The following OXCT1 variants were observed in gnomAD, a reference collection of about 807,000 sequenced individuals.
The protein encoded by OXCT1 is succinyl-CoA:3-ketoacid coenzyme A transferase 1, mitochondrial.
OXCT1 carries 27 observed loss-of-function variants against 69.6 expected under a neutral mutation model. That is an observed-to-expected ratio of 0.39 (90% CI 0.29 to 0.54). The LOEUF (loss-of-function observed/expected upper bound fraction) is 0.54, where lower values mean the gene tolerates loss of function less well. OXCT1 is among the 20% of genes least tolerant of loss of function. The pLI, the probability that OXCT1 is intolerant of heterozygous loss-of-function variation, is 0.72. For synonymous variants in OXCT1, 202 were observed against 217.8 expected (o/e 0.93, Z 0.64); for missense variants, 437 against 650.2 (o/e 0.67, Z 3.57).
chr5:41,852,199 T>G (rs982729432), intron 4 of OXCT1, among the ~76,000 whole-genome samples: 2 of 152,190 alleles, frequency 1.3e-5, no homozygotes, highest in Non-Finnish European at 2.9e-5. Flanking sequence ...ACATCTTTGT[T>G]TTTTTTGTTT....
In OXCT1 at chr5:41,790,868, AT is replaced by A. The variant is rs1159456011; in HGVS notation, c.1248+3134del. On this transcript the variant is annotated intron_variant, in intron 13 of 16. Coordinates refer to ENST00000196371, the MANE Select transcript of OXCT1 (RefSeq NM_000436.4). The stretch of plus-strand genomic sequence containing the variant: ...AAAAAATGTGTCCTCAAAGGGCTTA[AT>A]TTTGGTGCTTGAATAGGGACTTAGG... Among the ~76,000 whole-genome samples, 22 of 152,292 alleles carry A rather than the reference AT, an allele frequency of 1.4e-4. No homozygotes were observed. In the East Asian group the frequency reaches 3.7e-3, roughly 25 times the overall value.
At chr5:41,816,612 A>G (rs1747258061) in intron 7 of OXCT1, among the ~76,000 whole-genome samples, 1 of 152,172 alleles carries the variant, frequency 6.6e-6, no homozygotes, top group Non-Finnish European at 1.5e-5. Flanking sequence ...CTGACCCTTG[A>G]GAGGAGTGTG....
intron 7 of OXCT1, among the ~76,000 whole-genome samples, chr5:41,829,378 A>G (rs1178462232): frequency 6.6e-6 from 1 of 152,180 alleles, no homozygotes; most frequent in African/African-American, 2.4e-5. Flanking sequence ...CCATCAAGAA[A>G]GGGGGATATA....
intron 11 of OXCT1, 140 bp from the exon 12 acceptor site, chr5:41,794,889 G>A (rs1219798775): frequency 2.1e-5 from 16 of 776,664 alleles, no homozygotes; most frequent in Non-Finnish European, 3.0e-5. Context: ...GCAGGTGGGG[G>A]GACACAGTAG....
intron 14 of OXCT1, among the ~76,000 whole-genome samples, chr5:41,750,135 G>GGTTTTTTT (rs1356289001): frequency 2.7e-5 from 2 of 73,924 alleles, no homozygotes; most frequent in Admixed American, 1.7e-4. Context: ...GTGTTTTTTG[G>GGTTTTTTT]TTTTTTTTTT....
chr5:41,840,658 T>A (rs1243122622), intron 6 of OXCT1, 147 bp from the exon 7 acceptor site: 1 of 578,142 alleles, frequency 1.7e-6, no homozygotes, highest in Non-Finnish European at 3.1e-6. Flanking sequence ...TTTCCATTAA[T>A]AAAGTTTCAT....
In OXCT1 at chr5:41,839,437, A is replaced by G. The variant is rs144858851; in HGVS notation, c.732+1014T>C. 3.7e-3 allele frequency among the ~76,000 whole-genome samples: 570 copies of G among 152,338 alleles called. 3 individuals carry two copies. Among genetic ancestry groups the G allele is most frequent in the African/African-American group, 0.013 (553 of 41,574 alleles). ...CACGGACAGGTCATTAAGATGGATG[A>G]ATAAATTAAAGACAGGTTACACAGA... is the stretch of plus-strand genomic sequence containing the variant. On this transcript the variant is annotated intron_variant, in intron 7 of 16. Coordinates refer to ENST00000196371, the MANE Select transcript of OXCT1 (RefSeq NM_000436.4).
At chr5:41,837,601 G>C (rs2112388578) in intron 7 of OXCT1, among the ~76,000 whole-genome samples, 1 of 139,530 alleles carries the variant, frequency 7.2e-6, no homozygotes, top group African/African-American at 2.7e-5. Context: ...AATTGTCAAG[G>C]AAGGTCTGGG....
intron 6 of OXCT1, among the ~76,000 whole-genome samples, chr5:41,840,935 T>C (rs1211733893): frequency 6.6e-6 from 1 of 152,228 alleles, no homozygotes; most frequent in Non-Finnish European, 1.5e-5. Flanking sequence ...ATGCTTCACA[T>C]GAGAAGGTAC....
At chr5:41,843,311 A>C (rs1340188679) in intron 5 of OXCT1, among the ~76,000 whole-genome samples, 2 of 152,186 alleles carry the variant, frequency 1.3e-5, no homozygotes, top group Non-Finnish European at 2.9e-5. Flanking sequence ...ACCCATGAGC[A>C]TAGTATATGT....
chr5:41,819,659 CTTCT>C (rs1747449668), intron 7 of OXCT1, among the ~76,000 whole-genome samples: 2 of 151,356 alleles, frequency 1.3e-5, no homozygotes, highest in Non-Finnish European at 2.9e-5. Context: ...CGTGAGCCAC[CTTCT>C]TTTTTTTTTT....
chr5:41,851,292 T>C (rs1749161685), intron 4 of OXCT1, among the ~76,000 whole-genome samples: 1 of 152,204 alleles, frequency 6.6e-6, no homozygotes, highest in African/African-American at 2.4e-5. Context: ...AGGTGGAATA[T>C]TCTGGGGAAA....
intron 7 of OXCT1, among the ~76,000 whole-genome samples, chr5:41,835,586 C>G (rs955083036): frequency 2.0e-5 from 3 of 152,146 alleles, no homozygotes. Flanking sequence ...ATCATCTAAG[C>G]AATTCTTTTA....
At chr5:41,769,271 C>T (rs1053394376) in intron 13 of OXCT1, among the ~76,000 whole-genome samples, 8 of 152,134 alleles carry the variant, frequency 5.3e-5, no homozygotes, top group Admixed American at 1.3e-4. Flanking sequence ...TCTCTAACCA[C>T]CCTTCCCCCC....
intron 4 of OXCT1, among the ~76,000 whole-genome samples, chr5:41,850,668 G>A (rs947361324): frequency 3.3e-5 from 5 of 151,772 alleles, no homozygotes; most frequent in African/African-American, 7.3e-5. Context: ...TCTACAAATC[G>A]TCTAAGAAAA....
chr5:41,753,446 C>A (rs187029796), intron 14 of OXCT1, among the ~76,000 whole-genome samples: 78 of 152,198 alleles, frequency 5.1e-4, no homozygotes, highest in Non-Finnish European at 8.1e-4. Flanking sequence ...AAAGACCAAG[C>A]CTTTCAGCTT....
chr5:41,865,693 G>A (rs1180995486), intron 1 of OXCT1, among the ~76,000 whole-genome samples: 2 of 152,088 alleles, frequency 1.3e-5, no homozygotes, highest in Admixed American at 6.5e-5. Context: ...ATGAATCTAG[G>A]AAAATTACTT....
chr5:41,764,785 C>T (rs1187657140), intron 13 of OXCT1, among the ~76,000 whole-genome samples: 1 of 152,130 alleles, frequency 6.6e-6, no homozygotes, highest in Non-Finnish European at 1.5e-5. Flanking sequence ...CTAACTGTGG[C>T]TGGGAAAGCA....
At chr5:41,860,348 CAAAG>C (rs1386508809) in intron 3 of OXCT1, among the ~76,000 whole-genome samples, 2 of 151,834 alleles carry the variant, frequency 1.3e-5, no homozygotes, top group Non-Finnish European at 2.9e-5. Context: ...ATTCAGCACA[CAAAG>C]AAAGGCTAAA....
Sources: allele counts gnomAD v4.1 joint callset (sites outside exome capture counted in the v4.1 genomes callset), GRCh38; gene constraint gnomAD v4.1.1; transcripts MANE v1.5; gene names NCBI Gene and HGNC (gene_info 2026-07-23, HGNC 2026-07-21).